The following CDC73 variants were observed in gnomAD, a reference collection of about 807,000 sequenced individuals.
CDC73 encodes cell division cycle 73.
In CDC73, 21 loss-of-function variants were observed where a neutral mutation model predicts 83.7. The ratio of observed to expected loss-of-function variants is 0.25; its 90% CI spans 0.18 to 0.36. The LOEUF is 0.36. Ranked by LOEUF, CDC73 falls within the 10% of genes least tolerant of loss-of-function variation. The pLI, the probability that CDC73 is intolerant of heterozygous loss-of-function variation, is 1.00. For synonymous variants in CDC73, 224 were observed against 212.9 expected (o/e 1.05, Z -0.45); for missense variants, 342 against 653.3 (o/e 0.52, Z 5.19).
chr1:193,134,595 C>T (rs1283700661), intron 3 of CDC73, among the ~76,000 whole-genome samples: 2 of 152,032 alleles, frequency 1.3e-5, no homozygotes, highest in Non-Finnish European at 2.9e-5. Flanking sequence ...GGCGTGAACC[C>T]AGGAGGTGGA....
At position 193,161,676 on chromosome 1, in the gene CDC73, AAT is replaced by A. The variant is rs869177380; in HGVS notation, c.972+9240_972+9241del. ...ATAATATATTATATATCTATCATAT[AAT>A]ATATATAATATATAATATATTATAT... On this transcript the variant is annotated intron_variant, in intron 10 of 16. Coordinates refer to ENST00000367435, the MANE Select transcript of CDC73 (RefSeq NM_024529.5). Among the ~76,000 whole-genome samples the A allele has an allele frequency of 6.8e-4, 11 of 16,202 alleles. 4 individuals carry two copies. The highest frequency in any genetic ancestry group is 1.4e-3 in the East Asian group (2 of 1,480). The allele number at this position is 16,202 out of a possible 152,430, so 10.6% of individuals were successfully genotyped here. A position where few individuals can be genotyped will look rare whatever the true frequency, so the allele number is the denominator to read the frequency against.
chr1:193,130,841 C>T (rs1675681675), intron 3 of CDC73, among the ~76,000 whole-genome samples: 1 of 152,190 alleles, frequency 6.6e-6, no homozygotes, highest in Non-Finnish European at 1.5e-5. Flanking sequence ...CTGTTGACCA[C>T]TCATTTTTGA....
At chr1:193,196,800 A>G (rs1426185562) in intron 10 of CDC73, among the ~76,000 whole-genome samples, 2 of 152,136 alleles carry the variant, frequency 1.3e-5, no homozygotes, top group Non-Finnish European at 2.9e-5. Flanking sequence ...TTGATTTTGT[A>G]TTCTGCAACT....
intron 15 of CDC73, among the ~76,000 whole-genome samples, chr1:193,237,404 C>T (rs1201724516): frequency 6.6e-6 from 1 of 152,082 alleles, no homozygotes; most frequent in Non-Finnish European, 1.5e-5. Context: ...AAGATGCAAA[C>T]CTTCTTGGAA....
intron 6 of CDC73, among the ~76,000 whole-genome samples, chr1:193,140,269 C>G (rs1675881768): frequency 6.6e-6 from 1 of 152,120 alleles, no homozygotes; most frequent in Admixed American, 6.5e-5. Context: ...TGTATTTTGA[C>G]TGGTTATTTA....
At chr1:193,125,006 T>C (rs1675538908) in intron 1 of CDC73, 106 bp from the exon 2 acceptor site, 3 of 717,832 alleles carry the variant, frequency 4.2e-6, no homozygotes, top group Non-Finnish European at 7.7e-6. Context: ...TTTTGTTAGC[T>C]ATGTTAAACT....
rs1677440864 is a variant in CDC73 at position 193,220,145 on chromosome 1, T to G, written c.1154+7668T>G. Among the ~76,000 whole-genome samples, 3 of 148,512 alleles carry G rather than the reference T, an allele frequency of 2.0e-5. No individual in the cohort carries two copies. The South Asian group carries it at 6.3e-4, about 31-fold the overall frequency. ...TGCTCTGGCTTCTTTCTCAGTAAAGTAACAATGATAACTTTTTTTTTTTTT... is the reference window on the plus strand; with the variant it reads ...TGCTCTGGCTTCTTTCTCAGTAAAGGAACAATGATAACTTTTTTTTTTTTT... On this transcript the variant is annotated intron_variant, in intron 13 of 16. Transcript: ENST00000367435.
chr1:193,223,102 G>A (rs914010422), intron 13 of CDC73, among the ~76,000 whole-genome samples: 8 of 152,000 alleles, frequency 5.3e-5, no homozygotes, highest in Admixed American at 2.6e-4. Context: ...ATATTTGCAA[G>A]CTTGTTTTAT....
intron 15 of CDC73, among the ~76,000 whole-genome samples, chr1:193,243,451 C>G (rs1677897649): frequency 6.6e-6 from 1 of 152,038 alleles, no homozygotes; most frequent in Admixed American, 6.5e-5. Context: ...TAAAAGTTGT[C>G]TATTCTGGTG....
intron 2 of CDC73, chr1:193,128,267 G>A (rs1675619229): frequency 6.6e-6 from 1 of 152,062 alleles, no homozygotes; most frequent in Non-Finnish European, 1.5e-5. Context: ...AACTGTTTAT[G>A]ATATTCCATA....
intron 10 of CDC73, chr1:193,179,567 T>TG (rs368553430): frequency 6.6e-6 from 1 of 152,622 alleles, no homozygotes; most frequent in East Asian, 1.9e-4. Flanking sequence ...AAACAAAACT[T>TG]GTCTATTTTG....
intron 10 of CDC73, chr1:193,181,269 G>A: frequency 2.5e-6 from 4 of 1,614,046 alleles, no homozygotes; most frequent in Admixed American, 1.7e-5. Context: ...TGTTATTAGA[G>A]TTAGTTGCTG....
chr1:193,150,401 A>T lies in CDC73; in HGVS notation c.907+19A>T. The T allele has an allele frequency of 6.6e-7, 1 of 1,522,074 alleles. No individual in the cohort carries two copies. The allele number at this position is 1,522,074 out of a possible 1,614,324, so 94.3% of individuals were successfully genotyped here. A position where few individuals can be genotyped will look rare whatever the true frequency, so the allele number is the denominator to read the frequency against. On this transcript the variant is annotated intron_variant, in intron 9 of 16. Transcript: ENST00000367435. ...AAAGAAGGCAAGTTGCTTAATTCTT[A>T]TCTTCCCCTTAGTGTGGTTGTGTTG...
At chr1:193,181,531 A>G (rs749699352) in intron 10 of CDC73, 1 of 1,605,914 alleles carries the variant, frequency 6.2e-7, no homozygotes, top group South Asian at 1.1e-5. Flanking sequence ...CATCTTTGCA[A>G]AGCAGCAGTG....
intron 10 of CDC73, among the ~76,000 whole-genome samples, chr1:193,169,910 C>A (rs1429710126): frequency 6.6e-6 from 1 of 151,992 alleles, no homozygotes; most frequent in African/African-American, 2.4e-5. Context: ...GGTATTAAGC[C>A]TAATACCCAT....
chr1:193,137,925 A>T (rs1321421928), intron 5 of CDC73, among the ~76,000 whole-genome samples, 160 bp from the exon 6 acceptor site: 1 of 152,194 alleles, frequency 6.6e-6, no homozygotes, highest in Non-Finnish European at 1.5e-5. Flanking sequence ...TATTGTTATT[A>T]TCTTTACGTA....
chr1:193,141,442 T>C (rs574888174), intron 6 of CDC73, among the ~76,000 whole-genome samples: 1 of 152,308 alleles, frequency 6.6e-6, no homozygotes, highest in East Asian at 1.9e-4. Context: ...GAAATAAATT[T>C]CAAGGAAAAC....
chr1:193,179,044 G>A (rs555301765), intron 10 of CDC73: 1 of 152,126 alleles, frequency 6.6e-6, no homozygotes. Context: ...ATAACACTCA[G>A]TAAAGTTTTT....
chr1:193,251,669 C>T lies in CDC73; in HGVS notation c.*957C>T, dbSNP rs1678044712. On this transcript the variant is annotated 3_prime_UTR_variant, in exon 17 of 17. Transcript: ENST00000367435. ...CCAAAGAAAACATTTGCTTAATTGT[C>T]TGAAAAGAAACAAGAGAAAAACACT... 1 of 231,834 alleles carries T rather than the reference C, an allele frequency of 4.3e-6. No individual in the cohort carries two copies. The allele number at this position is 231,834 out of a possible 1,614,324, so 14.4% of individuals were successfully genotyped here.
Sources: gnomAD v4.1 joint callset for allele counts (sites outside exome capture counted in the v4.1 genomes callset) on GRCh38, gnomAD v4.1.1 for gene constraint, MANE v1.5 for transcripts, NCBI Gene and HGNC (gene_info 2026-07-23, HGNC 2026-07-21) for gene names.